The following FYN variants were observed in gnomAD, a reference collection of about 807,000 sequenced individuals.
FYN encodes tyrosine-protein kinase Fyn.
FYN carries 10 observed loss-of-function variants against 70.2 expected under a neutral mutation model. The observed-to-expected ratio is 0.14, with a 90% confidence interval of 0.09 to 0.24. The LOEUF (loss-of-function observed/expected upper bound fraction) is 0.24. Among genes scored for constraint, FYN ranks in the 10% least tolerant of loss-of-function variants. FYN has a pLI of 1.00. For missense variants in FYN, 319 were observed against 673.1 expected (o/e 0.47, Z 5.82); for synonymous variants, 236 against 248.6 (o/e 0.95, Z 0.48).
chr6:111,833,245 C>G (rs1040516943), intron 2 of FYN, among the ~76,000 whole-genome samples: 1 of 152,142 alleles, frequency 6.6e-6, no homozygotes, highest in Non-Finnish European at 1.5e-5. Context: ...ATCAAAGAAA[C>G]CTACAAAGTA....
intron 12 of FYN, chr6:111,676,500 T>C (rs147423572): frequency 6.6e-6 from 1 of 152,382 alleles, no homozygotes; most frequent in African/African-American, 2.4e-5. Context: ...AAAGCATTCT[T>C]CTCACACTTC....
chr6:111,711,259 T>C (rs1660908841), intron 5 of FYN, among the ~76,000 whole-genome samples: 1 of 152,106 alleles, frequency 6.6e-6, no homozygotes, highest in Non-Finnish European at 1.5e-5. Flanking sequence ...CCAGGATTTC[T>C]TTTTATCACA....
At chr6:111,763,981 C>T (rs567039368) in intron 3 of FYN, among the ~76,000 whole-genome samples, 5 of 152,026 alleles carry the variant, frequency 3.3e-5, no homozygotes, top group East Asian at 3.9e-4. Context: ...CAATTTTCAG[C>T]GCTCAGGCTA....
chr6:111,694,708 T>A lies in FYN; in HGVS notation c.1043-4A>T. The A allele has an allele frequency of 1.9e-6, 3 of 1,604,450 alleles. No individual in the cohort carries two copies. Among genetic ancestry groups the A allele is most frequent in the Non-Finnish European group, 2.6e-6 (3 of 1,173,092 alleles). On this transcript the variant is annotated splice_region_variant and splice_polypyrimidine_tract_variant and intron_variant, in intron 10 of 13. Transcript: ENST00000354650. This position sits in a 1 kb window ranked among gnomAD's most constrained non-coding sequence, Gnocchi z 5.0. Reference sequence around the variant, plus strand: ...TTTAAGAAATCCAGTAAACTTCCTATGAACAAAACATAAAATCATTTCAAT... The same window carrying A: ...TTTAAGAAATCCAGTAAACTTCCTAAGAACAAAACATAAAATCATTTCAAT...
chr6:111,797,044 T>C (rs1045607652), intron 2 of FYN, among the ~76,000 whole-genome samples: 3 of 152,232 alleles, frequency 2.0e-5, no homozygotes, highest in African/African-American at 7.2e-5. Flanking sequence ...TTTAATAATG[T>C]TGTTTCCAAG....
At chr6:111,776,740 T>C (rs1770958773) in intron 3 of FYN, among the ~76,000 whole-genome samples, 1 of 152,124 alleles carries the variant, frequency 6.6e-6, no homozygotes, top group Admixed American at 6.5e-5. Context: ...CCTCCCAAAA[T>C]AGGCCCTATA....
At chr6:111,807,385 C>T (rs2114280255) in intron 2 of FYN, among the ~76,000 whole-genome samples, 2 of 152,312 alleles carry the variant, frequency 1.3e-5, no homozygotes, top group South Asian at 4.1e-4. Flanking sequence ...GATCAGTTCA[C>T]TGTTGTTAAC....
chr6:111,836,435 T>A (rs1450050031), intron 2 of FYN, among the ~76,000 whole-genome samples: 1 of 151,796 alleles, frequency 6.6e-6, no homozygotes, highest in Non-Finnish European at 1.5e-5. Flanking sequence ...GAAAAATTTT[T>A]AAATTATATT....
chr6:111,698,000 T>G (rs577300108), intron 9 of FYN, among the ~76,000 whole-genome samples: 16 of 152,346 alleles, frequency 1.1e-4, no homozygotes, highest in African/African-American at 3.8e-4. Flanking sequence ...TTAAACTAGC[T>G]AACTCATACA....
At chr6:111,738,848 T>C (rs780314694) in intron 3 of FYN, among the ~76,000 whole-genome samples, 1 of 152,170 alleles carries the variant, frequency 6.6e-6, no homozygotes, top group Non-Finnish European at 1.5e-5. Context: ...TACTTTCAGA[T>C]GAGGATGAGA....
At chr6:111,755,296 A>C (rs991000866) in intron 3 of FYN, among the ~76,000 whole-genome samples, 5 of 152,202 alleles carry the variant, frequency 3.3e-5, no homozygotes, top group African/African-American at 1.2e-4. Context: ...CTTAGAAGCC[A>C]AAATAAAAAA....
chr6:111,726,188 T>C (rs1008057982), intron 3 of FYN, among the ~76,000 whole-genome samples: 2 of 152,230 alleles, frequency 1.3e-5, no homozygotes, highest in Non-Finnish European at 2.9e-5. Context: ...GAGAATCCCC[T>C]CCGTGCCTGG....
At chr6:111,733,081 G>A (rs747466797) in intron 3 of FYN, among the ~76,000 whole-genome samples, 28 of 152,098 alleles carry the variant, frequency 1.8e-4, no homozygotes, top group Non-Finnish European at 2.9e-4. Context: ...TGTGGGCCAC[G>A]TGTCTCCCCA....
intron 3 of FYN, among the ~76,000 whole-genome samples, chr6:111,763,022 G>T (rs1240474467): frequency 6.6e-6 from 1 of 152,054 alleles, no homozygotes; most frequent in Non-Finnish European, 1.5e-5. Flanking sequence ...TTATCTTTCA[G>T]GCCCCCTGAC....
At chr6:111,761,963 A>C (rs900432336) in intron 3 of FYN, among the ~76,000 whole-genome samples, 3 of 152,212 alleles carry the variant, frequency 2.0e-5, no homozygotes, top group African/African-American at 7.2e-5. Context: ...CCTGCATTAC[A>C]TCATGGAGGA....
intron 1 of FYN, among the ~76,000 whole-genome samples, chr6:111,859,978 C>T (rs1006760467): frequency 6.6e-6 from 1 of 152,032 alleles, no homozygotes; most frequent in African/African-American, 2.4e-5. Flanking sequence ...GAGGAAAATA[C>T]CCTGTGAAGA....
At chr6:111,686,141 T>C (rs1428024928) in intron 12 of FYN, among the ~76,000 whole-genome samples, 1 of 151,582 alleles carries the variant, frequency 6.6e-6, no homozygotes, top group East Asian at 2.0e-4. Flanking sequence ...TTCATCTCCA[T>C]TTCCCTGCCA....
intron 2 of FYN, among the ~76,000 whole-genome samples, chr6:111,833,345 G>A (rs765535141): frequency 2.0e-5 from 3 of 152,196 alleles, no homozygotes; most frequent in Non-Finnish European, 4.4e-5. Flanking sequence ...GTGTTTTGGG[G>A]AAAGTAATCT....
chr6:111,677,092 C>T (rs778688141), intron 12 of FYN, among the ~76,000 whole-genome samples: 10 of 152,124 alleles, frequency 6.6e-5, no homozygotes, highest in Admixed American at 2.0e-4. Flanking sequence ...TACTACTAGT[C>T]GGAACTTACT....
Sources: gnomAD v4.1 joint callset for allele counts (sites outside exome capture counted in the v4.1 genomes callset) on GRCh38, gnomAD v4.1.1 for gene constraint, Gnocchi (gnomAD v3.1) non-coding constraint, MANE v1.5 for transcripts, NCBI Gene and HGNC (gene_info 2026-07-23, HGNC 2026-07-21) for gene names.